The following CHD7 variants were observed in gnomAD, a reference collection of about 807,000 sequenced individuals.
CHD7 encodes the protein ATP-dependent chromatin remodeler CHD7.
A neutral mutation model predicts 307.3 loss-of-function variants in CHD7; 24 were observed. That is an observed-to-expected ratio of 0.08 (90% CI 0.06 to 0.11). The LOEUF (loss-of-function observed/expected upper bound fraction) is 0.11. Among genes scored for constraint, CHD7 ranks in the 10% least tolerant of loss-of-function variants. The pLI, the probability that CHD7 is intolerant of heterozygous loss-of-function variation, is 1.00. For missense variants in CHD7, 3,106 were observed against 3,727.1 expected (o/e 0.83, Z 4.34); for synonymous variants, 1,363 against 1,349.9 (o/e 1.01, Z -0.21).
At chr8:60,864,773 G>A (rs1040235116) in intron 37 of CHD7, 2 of 515,328 alleles carry the variant, frequency 3.9e-6, no homozygotes, top group Non-Finnish European at 3.5e-6. Context: ...AGTTATGGAT[G>A]CAGCTAACTT....
intron 1 of CHD7, among the ~76,000 whole-genome samples, chr8:60,682,790 C>T (rs993284650): frequency 6.6e-6 from 1 of 152,064 alleles, no homozygotes; most frequent in Non-Finnish European, 1.5e-5. Flanking sequence ...GGTTTGATAG[C>T]AGACACCATG....
intron 2 of CHD7, among the ~76,000 whole-genome samples, chr8:60,747,116 G>A (rs1227708817): frequency 1.3e-5 from 2 of 152,010 alleles, no homozygotes; most frequent in Non-Finnish European, 2.9e-5. Flanking sequence ...TTACTCTTTC[G>A]CCCAGGCTAG....
intron 13 of CHD7, 142 bp downstream of exon 13, chr8:60,824,158 T>G: frequency 1.3e-6 from 1 of 753,076 alleles, no homozygotes; most frequent in South Asian, 2.0e-5. Context: ...GCACTTTCAG[T>G]TATTCAAAAG....
rs777755661 is a variant in CHD7 at position 60,852,847 on chromosome 8, C to G, written c.6122C>G (p.Ser2041Cys). The G allele has an allele frequency of 1.9e-6, 3 of 1,612,942 alleles. No homozygotes were observed. Among genetic ancestry groups the G allele is most frequent in the Admixed American group, 3.3e-5 (2 of 60,010 alleles). The change falls in exon 31 of 38, where the codon TCC becomes TGC. Residue 2041 changes from serine to cysteine, a missense_variant. Transcript: ENST00000423902. ...GTTACAGAACCGCCCGACCTCTCCT[C>G]CATAATTGAGCCGATCACAGAGGAG... ...KPDDEPPDLSSIIEPITEERA... is the reference protein window; with the variant it reads ...KPDDEPPDLSCIIEPITEERA...
chr8:60,781,474 C>T, intron 3 of CHD7, 44 bp downstream of exon 3: 1 of 1,485,314 alleles, frequency 6.7e-7, no homozygotes, highest in Non-Finnish European at 8.9e-7. Context: ...ATTGAGAGTA[C>T]AGAAATTAGC....
chr8:60,732,000 CA>C (rs1159869760), intron 1 of CHD7, among the ~76,000 whole-genome samples: 2 of 152,232 alleles, frequency 1.3e-5, no homozygotes, highest in Non-Finnish European at 2.9e-5. Flanking sequence ...CAGGTTTATT[CA>C]TGATGGATAA....
At chr8:60,759,906 G>GT (rs1460793923) in intron 2 of CHD7, among the ~76,000 whole-genome samples, 1 of 152,130 alleles carries the variant, frequency 6.6e-6, no homozygotes, top group Non-Finnish European at 1.5e-5. Flanking sequence ...CGGATGTTTA[G>GT]TGACTGCCTA....
rs748119797 is a variant in CHD7, at chr8:60,795,065, G to T, written c.2176G>T (p.Asp726Tyr). The T allele has an allele frequency of 1.1e-5, 18 of 1,613,694 alleles. No homozygotes were observed. Among genetic ancestry groups the T allele is most frequent in the Non-Finnish European group, 2.5e-6 (3 of 1,179,800 alleles). ...AAAAACAGAAGGTTCTGAAAATTCA[G>T]ACTTAGACAAAACACCCCCACCATC... ...KGKTEGSENS[D>Y]LDKTPPPSPP... is the part of the protein sequence containing the mutation. Residue 726 changes from aspartate to tyrosine, a missense_variant, in exon 4 of 38, where the codon GAC becomes TAC. Transcript: ENST00000423902.
At chr8:60,769,254 C>G (rs1038160996) in intron 2 of CHD7, among the ~76,000 whole-genome samples, 7 of 152,152 alleles carry the variant, frequency 4.6e-5, no homozygotes, top group Non-Finnish European at 1.0e-4. Context: ...GAGGGTACTG[C>G]TGTTTTATAA....
chr8:60,742,580 C>T lies in CHD7; in HGVS notation c.1148C>T (p.Pro383Leu). ...CAAATGAACACACAAACTATGCATC[C>T]TTCACAGCCTCAGGGAACTTATGCC... ...LNQMNTQTMH[P>L]SQPQGTYASP... Residue 383 changes from proline to leucine, a missense_variant, in exon 2 of 38, where the codon CCT becomes CTT. Pro to Leu is a moderately conservative substitution (Grantham distance 98). Around this residue, in one of 10 missense-constraint regions of CHD7, gnomAD observed 998 missense variants for 1,004.5 expected, o/e 0.99. Coordinates refer to ENST00000423902, the MANE Select transcript of CHD7 (RefSeq NM_017780.4). 6.2e-7 allele frequency: 1 copy of T among 1,613,980 alleles called. No individual in the cohort carries two copies. Among genetic ancestry groups the T allele is most frequent in the Non-Finnish European group, 8.5e-7 (1 of 1,179,866 alleles).
At chr8:60,831,407 G>A (rs934975329) in intron 15 of CHD7, among the ~76,000 whole-genome samples, 7 of 151,762 alleles carry the variant, frequency 4.6e-5, no homozygotes, top group Non-Finnish European at 1.0e-4. Context: ...AAAGAGAGGG[G>A]GTCAGGAAAA....
intron 1 of CHD7, among the ~76,000 whole-genome samples, chr8:60,709,100 C>T (rs1289783031): frequency 7.2e-5 from 11 of 152,122 alleles, no homozygotes; most frequent in Non-Finnish European, 1.5e-4. Context: ...TTCCTGTTTT[C>T]TTCTTTTACA....
intron 2 of CHD7, among the ~76,000 whole-genome samples, chr8:60,750,340 G>T (rs958522874): frequency 5.3e-5 from 8 of 152,308 alleles, no homozygotes; most frequent in African/African-American, 1.9e-4. Flanking sequence ...GCCAAGGACT[G>T]TGTTAAGGAG....
At chr8:60,721,138 C>G (rs909549524) in intron 1 of CHD7, among the ~76,000 whole-genome samples, 14 of 152,164 alleles carry the variant, frequency 9.2e-5, no homozygotes, top group African/African-American at 3.1e-4. Context: ...GTCACTCTCT[C>G]CCACCCAAAC....
intron 1 of CHD7, among the ~76,000 whole-genome samples, chr8:60,683,180 G>A (rs970125867): frequency 3.9e-5 from 6 of 152,152 alleles, no homozygotes; most frequent in Admixed American, 3.9e-4. Context: ...TAGTTCAGGA[G>A]ATACTATTTT....
chr8:60,859,371 A>T lies in CHD7; in HGVS notation c.7609-1533A>T, dbSNP rs1805859238. On this transcript the variant is annotated intron_variant, in intron 34 of 37. Coordinates refer to ENST00000423902, the MANE Select transcript of CHD7 (RefSeq NM_017780.4). The stretch of plus-strand genomic sequence containing the variant: ...GCCATGAAAAAGTAAGAGTGCATTC[A>T]GCAACAGTGGACAAGCTGGCACTAT... 2.6e-5 allele frequency among the ~76,000 whole-genome samples: 4 copies of T among 152,244 alleles called. No homozygotes were observed. In the South Asian group the frequency reaches 8.3e-4, roughly 32 times the overall value.
intron 1 of CHD7, among the ~76,000 whole-genome samples, chr8:60,689,331 A>G (rs1806077166): frequency 6.6e-6 from 1 of 152,256 alleles, no homozygotes; most frequent in African/African-American, 2.4e-5. Context: ...TATGGAGCAT[A>G]AAGTTTGTGT....
chr8:60,700,320 T>C (rs748541477), intron 1 of CHD7, among the ~76,000 whole-genome samples: 3 of 152,218 alleles, frequency 2.0e-5, no homozygotes, highest in African/African-American at 7.2e-5. Flanking sequence ...AGAGTAATTA[T>C]AACTGCTGAT....
chr8:60,734,153 G>T (rs1465952485), intron 1 of CHD7, among the ~76,000 whole-genome samples: 2 of 152,180 alleles, frequency 1.3e-5, no homozygotes, highest in Non-Finnish European at 2.9e-5. Context: ...TGTGCCATTT[G>T]TTGTTGATCC....
Sources: gnomAD v4.1 joint callset for allele counts (sites outside exome capture counted in the v4.1 genomes callset) on GRCh38, gnomAD v4.1.1 for gene constraint, gnomAD v4.1.1 regional missense constraint, MANE v1.5 for transcripts, NCBI Gene and HGNC (gene_info 2026-07-23, HGNC 2026-07-21) for gene names.